Variants in CDCA2 observed in about 807,000 individuals in gnomAD.
CDCA2 encodes the protein cell division cycle associated 2, also known as cell division cycle-associated protein 2.
In CDCA2, 44 loss-of-function variants were observed where a neutral mutation model predicts 67.0. That is an observed-to-expected ratio of 0.66 (90% CI 0.52 to 0.84). The LOEUF is 0.84. CDCA2 is among the 40% of genes least tolerant of loss of function. The probability of loss-of-function intolerance (pLI) is 0.00; values close to 1 mark genes in which losing one functional copy is unlikely to be tolerated. For missense variants in CDCA2, 1,253 were observed against 1,203.2 expected, an observed-to-expected ratio of 1.04 and a Z score of -0.61; for synonymous variants, 447 against 418.7, an observed-to-expected ratio of 1.07 and a Z score of -0.82.
At chr8:25,494,236 G>A (rs1334890116) in intron 13 of CDCA2, among the ~76,000 whole-genome samples, 1 of 151,898 alleles carries the variant, frequency 6.6e-6, no homozygotes, top group Non-Finnish European at 1.5e-5. Context: ...GATATTGGAG[G>A]ATTGCTTGAG....
chr8:25,462,543 T>C (rs1802737984), intron 4 of CDCA2, among the ~76,000 whole-genome samples: 1 of 152,112 alleles, frequency 6.6e-6, no homozygotes, highest in African/African-American at 2.4e-5. Context: ...CGAGAATTGC[T>C]TGAACCTGGG....
chr8:25,468,118 C>CA (rs60060887), intron 5 of CDCA2, 99 bp from the exon 6 acceptor site: 90,473 of 158,880 alleles, frequency 0.57, 23,316 homozygotes, highest in Admixed American at 0.73. Context: ...AACTCCGTCT[C>CA]AAAAAAAAAA....
chr8:25,484,349 A>G (rs1803683785), intron 10 of CDCA2, 139 bp downstream of exon 10: 1 of 1,230,982 alleles, frequency 8.1e-7, no homozygotes, highest in Non-Finnish European at 1.1e-6. Context: ...TCTATTTTGT[A>G]TGTAGGTTTT....
rs953012548 is a variant in CDCA2 at position 25,480,019 on chromosome 8, A to C, written c.927A>C (p.Ser309=). The C allele has an allele frequency of 6.2e-7, 1 of 1,614,192 alleles. No homozygotes were observed. Among genetic ancestry groups the C allele is most frequent in the East Asian group, 2.2e-5 (1 of 44,870 alleles). The change falls in exon 8 of 15, where the codon TCA becomes TCC. Residue 309 remains serine (S), a synonymous_variant. Transcript: ENST00000330560. The part of the protein sequence containing the change: ...VSSDAVPDVR[S]PATPACRRDL... The stretch of plus-strand genomic sequence containing the variant: ...CAGACGCAGTCCCTGATGTCAGGTC[A>C]CCAGCTACTCCAGCCTGCAGGAGGG...
chr8:25,465,563 G>A (rs1162713367), intron 4 of CDCA2, among the ~76,000 whole-genome samples: 1 of 146,818 alleles, frequency 6.8e-6, no homozygotes, highest in African/African-American at 2.7e-5. Flanking sequence ...GAGCTTCTGT[G>A]CTTATACCAT....
rs750340537 is a variant in CDCA2, at chr8:25,507,068, C to T, written c.2402C>T (p.Thr801Met). ...TTAGGAGATGTCTTAATTGAAAATA[C>T]GAAAGAATCTAAAAGCCAGAGTGAG... is the stretch of plus-strand genomic sequence containing the variant. ...HCLGDVLIEN[T>M]KESKSQSEDL... Residue 801 changes from threonine to methionine, a missense_variant, in exon 15 of 15, where the codon ACG becomes ATG. Thr to Met is a moderately conservative substitution (Grantham distance 81). Transcript: ENST00000330560. The T allele has an allele frequency of 8.7e-6, 14 of 1,613,904 alleles. No individual in the cohort carries two copies. The highest frequency in any genetic ancestry group is 1.1e-5 in the Non-Finnish European group (13 of 1,179,946).
intron 7 of CDCA2, among the ~76,000 whole-genome samples, chr8:25,476,217 A>G (rs372398465): frequency 6.6e-6 from 1 of 152,020 alleles, no homozygotes; most frequent in African/African-American, 2.4e-5. Flanking sequence ...AAGCCACAGA[A>G]CTCTTACTCC....
chr8:25,478,888 G>GTGTGTGTATATATA (rs1006353040), intron 7 of CDCA2, among the ~76,000 whole-genome samples: 2 of 111,596 alleles, frequency 1.8e-5, no homozygotes, highest in African/African-American at 8.0e-5. Flanking sequence ...TTGTGTGTGT[G>GTGTGTGTATATATA]TATATATATA....
intron 13 of CDCA2, among the ~76,000 whole-genome samples, chr8:25,491,287 G>C (rs569826363): frequency 9.9e-5 from 15 of 152,088 alleles, no homozygotes; most frequent in Non-Finnish European, 8.8e-5. Context: ...AAATAGAATG[G>C]AAGAAATTAT....
chr8:25,469,047 C>T (rs1013246900), intron 6 of CDCA2, among the ~76,000 whole-genome samples: 1 of 152,208 alleles, frequency 6.6e-6, no homozygotes, highest in Non-Finnish European at 1.5e-5. Flanking sequence ...AGTTGACCTG[C>T]GCGCACGCGT....
intron 14 of CDCA2, among the ~76,000 whole-genome samples, chr8:25,504,654 G>A (rs1412234769): frequency 6.6e-6 from 1 of 152,140 alleles, no homozygotes. Context: ...TAAATAAACA[G>A]CCACCCCTCT....
At chr8:25,467,066 A>AAAC (rs397830929) in intron 5 of CDCA2, among the ~76,000 whole-genome samples, 6 of 102,448 alleles carry the variant, frequency 5.9e-5, no homozygotes, top group Non-Finnish European at 1.1e-4. Context: ...AAAAAAAAAA[A>AAAC]CACACACACA....
At chr8:25,471,394 G>C (rs1030911046) in intron 7 of CDCA2, among the ~76,000 whole-genome samples, 1 of 142,362 alleles carries the variant, frequency 7.0e-6, no homozygotes, top group Admixed American at 7.0e-5. Context: ...ACAGAGTCTC[G>C]CTCTGTTGAC....
chr8:25,461,603 ATG>A (rs1563256767), intron 3 of CDCA2, among the ~76,000 whole-genome samples: 1 of 152,196 alleles, frequency 6.6e-6, no homozygotes, highest in Admixed American at 6.5e-5. Context: ...GGTAGTGCTG[ATG>A]GTAGGTATCA....
rs1431471069 is a variant in CDCA2, at chr8:25,488,685, G to A, written c.1667G>A (p.Ser556Asn). The A allele has an allele frequency of 5.0e-6, 8 of 1,603,348 alleles. No individual in the cohort carries two copies. The East Asian group carries it at 1.8e-4, about 36-fold the overall frequency. Residue 556 changes from serine (S) to asparagine (N), a missense_variant, in exon 13 of 15, where the codon AGT (serine) becomes AAT (asparagine). Transcript: ENST00000330560. Reference sequence around the variant, plus strand: ...ACAAAGAGAGCACTTCCTAAGAAGAGTCAGGTAAGCATGTGTTTAAAGATA... The same window carrying A: ...ACAAAGAGAGCACTTCCTAAGAAGAATCAGGTAAGCATGTGTTTAAAGATA... ...KCTKRALPKK[S>N]QVLKSCRKKK...
intron 14 of CDCA2, 77 bp from the exon 15 acceptor site, chr8:25,506,433 C>G: frequency 2.3e-6 from 3 of 1,323,112 alleles, no homozygotes; most frequent in Non-Finnish European, 3.0e-6. Flanking sequence ...AACAGGTCAC[C>G]TGATTATTTA....
At chr8:25,465,678 G>A (rs1802870275) in intron 4 of CDCA2, among the ~76,000 whole-genome samples, 1 of 152,146 alleles carries the variant, frequency 6.6e-6, no homozygotes, top group Non-Finnish European at 1.5e-5. Flanking sequence ...CCAAAAAGGA[G>A]AGCAGTGCAA....
intron 13 of CDCA2, among the ~76,000 whole-genome samples, chr8:25,490,266 A>G (rs1803949947): frequency 6.6e-6 from 1 of 152,130 alleles, no homozygotes; most frequent in Admixed American, 6.5e-5. Context: ...ATATAAAATT[A>G]CGGCCAGAAA....
chr8:25,490,710 T>C (rs996305869), intron 13 of CDCA2, among the ~76,000 whole-genome samples: 2 of 152,294 alleles, frequency 1.3e-5, no homozygotes, highest in East Asian at 3.9e-4. Context: ...TCAGAACAGA[T>C]GTTGTCATCT....
Sources: gnomAD v4.1 joint callset for allele counts (sites outside exome capture counted in the v4.1 genomes callset) on GRCh38, gnomAD v4.1.1 for gene constraint, MANE v1.5 for transcripts, NCBI Gene and HGNC (gene_info 2026-07-23, HGNC 2026-07-21) for gene names.